The following NTMT2 variants were observed in gnomAD, a reference collection of about 807,000 sequenced individuals.
The protein encoded by NTMT2 is N-terminal Xaa-Pro-Lys N-methyltransferase 2, also known as X-Pro-Lys N-terminal protein methyltransferase 1B.
In NTMT2, 21 loss-of-function variants were observed where a neutral mutation model predicts 23.4. The observed-to-expected ratio is 0.90, with a 90% CI of 0.64 to 1.29. The LOEUF is 1.29. NTMT2 is among the 50% of genes most tolerant of loss of function. NTMT2 has a pLI of 0.00. For missense variants in NTMT2, 336 were observed against 352.0 expected, an observed-to-expected ratio of 0.95 and a Z score of 0.36; for synonymous variants, 131 against 127.7, an observed-to-expected ratio of 1.03 and a Z score of -0.17.
chr1:170,168,147 T>G lies in NTMT2; in HGVS notation c.*390T>G, dbSNP rs1315480445. On this transcript the variant is annotated 3_prime_UTR_variant, in exon 4 of 4. Coordinates refer to ENST00000439373, the MANE Select transcript of NTMT2 (RefSeq NM_001136107.2). ...AAAATGGTGGTTTTTTTTTTGTTTT[T>G]CCATCACAAGATGAAATCAGCATTC... 6.6e-6 allele frequency among the ~76,000 whole-genome samples: 1 copy of G among 151,102 alleles called. No individual in the cohort carries two copies. Among genetic ancestry groups the G allele is most frequent in the Non-Finnish European group, 1.5e-5 (1 of 67,832 alleles).
chr1:170,160,224 G>A (rs1221120301), intron 1 of NTMT2, among the ~76,000 whole-genome samples: 1 of 152,134 alleles, frequency 6.6e-6, no homozygotes, highest in Non-Finnish European at 1.5e-5. Flanking sequence ...TTTTAATACA[G>A]TGATATAGCT....
Position 170,166,576 on chromosome 1 carries a change from A to G in NTMT2, c.405A>G (p.Leu135=), listed in dbSNP as rs1265122799. The change falls in exon 3 of 4, where the codon TTA becomes TTG. Residue 135 remains leucine, a synonymous_variant. Coordinates refer to ENST00000439373, the MANE Select transcript of NTMT2 (RefSeq NM_001136107.2). ...TAGGAAGGGTCAGCAAACACGTCTT[A>G]TTGCCTGTTTTCAACAGTGTGGAGC... ...SGIGRVSKHV[L]LPVFNSVELV... is the part of the protein sequence containing the mutation. The G allele has an allele frequency of 2.6e-6, 4 of 1,552,270 alleles. No homozygotes were observed. The highest frequency in any genetic ancestry group is 3.5e-6 in the Non-Finnish European group (4 of 1,147,118).
intron 1 of NTMT2, among the ~76,000 whole-genome samples, chr1:170,147,176 C>T (rs1449026955): frequency 6.6e-6 from 1 of 152,156 alleles, no homozygotes; most frequent in African/African-American, 2.4e-5. Context: ...ATGTTAGCAG[C>T]CTACCAAAAC....
At chr1:170,164,047 G>A (rs573027802) in intron 2 of NTMT2, among the ~76,000 whole-genome samples, 25 of 149,368 alleles carry the variant, frequency 1.7e-4, no homozygotes, top group South Asian at 4.3e-4. Context: ...ACTTGAACCC[G>A]GGAGGTGGAG....
chr1:170,154,377 A>T (rs1216079049), intron 1 of NTMT2, among the ~76,000 whole-genome samples: 2 of 152,048 alleles, frequency 1.3e-5, no homozygotes, highest in Non-Finnish European at 2.9e-5. Flanking sequence ...CTGCCTCCAG[A>T]CCTGGGAATG....
In NTMT2 at chr1:170,167,777, G is replaced by A. The variant is rs1057177283; in HGVS notation, c.*20G>A. On this transcript the variant is annotated 3_prime_UTR_variant, in exon 4 of 4. Coordinates refer to ENST00000439373, the MANE Select transcript of NTMT2 (RefSeq NM_001136107.2). ...TCCTGAAAAAGCAGTGGGAATGAAC[G>A]ACTGGACTGGGCAGTGGTGCTTTGG... The A allele has an allele frequency of 2.6e-6, 4 of 1,538,444 alleles. No homozygotes were observed. Among genetic ancestry groups the A allele is most frequent in the Admixed American group, 2.0e-5 (1 of 50,546 alleles).
At chr1:170,153,120 C>T (rs554310687) in intron 1 of NTMT2, among the ~76,000 whole-genome samples, 11 of 152,182 alleles carry the variant, frequency 7.2e-5, no homozygotes, top group Non-Finnish European at 1.3e-4. Flanking sequence ...CCTAAGGCCT[C>T]CCCAGAAGCT....
chr1:170,149,268 AT>A (rs1215348523), intron 1 of NTMT2, among the ~76,000 whole-genome samples: 1 of 152,198 alleles, frequency 6.6e-6, no homozygotes, highest in South Asian at 2.1e-4. Context: ...GAATACTCAG[AT>A]TTTTTTGTAG....
chr1:170,146,754 C>T (rs1672971297), intron 1 of NTMT2, among the ~76,000 whole-genome samples: 1 of 152,158 alleles, frequency 6.6e-6, no homozygotes. Flanking sequence ...CTTCTTGAAT[C>T]ACAAGAATAG....
intron 1 of NTMT2, among the ~76,000 whole-genome samples, chr1:170,152,249 C>CCACTATG (rs1437201605): frequency 1.3e-5 from 2 of 152,034 alleles, no homozygotes; most frequent in Non-Finnish European, 2.9e-5. Flanking sequence ...GTGGTAGAGA[C>CCACTATG]CACTATAAAA....
intron 1 of NTMT2, among the ~76,000 whole-genome samples, chr1:170,154,090 G>A (rs1012737471): frequency 4.6e-5 from 7 of 152,180 alleles, no homozygotes; most frequent in African/African-American, 1.7e-4. Context: ...TACAGCTGAG[G>A]CATCTGCTCT....
chr1:170,148,261 G>C (rs1333680310), intron 1 of NTMT2, among the ~76,000 whole-genome samples: 1 of 143,950 alleles, frequency 6.9e-6, no homozygotes, highest in Non-Finnish European at 1.5e-5. Flanking sequence ...CCATTCTCCT[G>C]CCTCAGCCTC....
intron 1 of NTMT2, chr1:170,151,580 A>C (rs1673069108): frequency 6.5e-6 from 1 of 153,016 alleles, no homozygotes; most frequent in South Asian, 2.1e-4. Context: ...CTCATTGTAC[A>C]ATGATACATT....
rs1672990983 is a variant in NTMT2 at position 170,147,597 on chromosome 1, T to C, written c.154+1336T>C. Among the ~76,000 whole-genome samples the C allele has an allele frequency of 1.3e-5, 2 of 152,196 alleles. 1 individual carries two copies. Among genetic ancestry groups the C allele is most frequent in the South Asian group, 4.1e-4 (2 of 4,832 alleles). On this transcript the variant is annotated intron_variant, in intron 1 of 3. Transcript: ENST00000439373. ...AGGTGATGATGTTCTAGTCACTTCATATACTGGCAAAGCATTGCTTTTCTG... is the reference window on the plus strand; with the variant it reads ...AGGTGATGATGTTCTAGTCACTTCACATACTGGCAAAGCATTGCTTTTCTG...
At chr1:170,154,578 C>T (rs531994137) in intron 1 of NTMT2, among the ~76,000 whole-genome samples, 1 of 152,194 alleles carries the variant, frequency 6.6e-6, no homozygotes, top group South Asian at 2.1e-4. Context: ...TAACCCCTTT[C>T]CTTTGGCCTA....
intron 1 of NTMT2, 43 bp from the exon 2 acceptor site, chr1:170,160,475 A>G (rs1296846442): frequency 7.2e-7 from 1 of 1,397,426 alleles, no homozygotes; most frequent in Non-Finnish European, 9.4e-7. Context: ...AGATTTTTTT[A>G]TCTTATAAAT....
chr1:170,156,174 T>G (rs1386453085), intron 1 of NTMT2, among the ~76,000 whole-genome samples: 1 of 152,184 alleles, frequency 6.6e-6, no homozygotes, highest in African/African-American at 2.4e-5. Flanking sequence ...GGAGTCTTCT[T>G]GCTGCTACTT....
intron 1 of NTMT2, among the ~76,000 whole-genome samples, chr1:170,147,469 C>CT (rs1003963801): frequency 2.6e-5 from 4 of 151,520 alleles, no homozygotes; most frequent in African/African-American, 9.7e-5. Flanking sequence ...AAGTCCAGGG[C>CT]TTTTTTTTGG....
chr1:170,151,321 G>A (rs1673064877), intron 1 of NTMT2: 1 of 154,272 alleles, frequency 6.5e-6, no homozygotes, highest in South Asian at 2.0e-4. Flanking sequence ...CTGGCACATA[G>A]GAGGTATCCT....
Sources: gnomAD v4.1 joint callset for allele counts (sites outside exome capture counted in the v4.1 genomes callset) on GRCh38, gnomAD v4.1.1 for gene constraint, MANE v1.5 for transcripts, NCBI Gene and HGNC (gene_info 2026-07-23, HGNC 2026-07-21) for gene names.